Variants in PRKAG2 observed in about 807,000 individuals in gnomAD.
PRKAG2 encodes the protein protein kinase AMP-activated non-catalytic subunit gamma 2, also known as 5'-AMP-activated protein kinase subunit gamma-2.
PRKAG2 carries 26 observed loss-of-function variants against 69.6 expected under a neutral mutation model. The observed-to-expected ratio is 0.37, with a 90% confidence interval of 0.27 to 0.52. The LOEUF is 0.52. Among genes scored for constraint, PRKAG2 ranks in the 20% least tolerant of loss-of-function variants. The pLI, the probability that PRKAG2 is intolerant of heterozygous loss-of-function variation, is 0.90. For missense variants in PRKAG2, 557 were observed against 740.0 expected, an observed-to-expected ratio of 0.75 and a Z score of 2.87; for synonymous variants, 293 against 285.0, an observed-to-expected ratio of 1.03 and a Z score of -0.28.
rs2079685447 is a variant in PRKAG2, at chr7:151,855,061, AT to A, written c.114+21445del. 1.1e-3 allele frequency among the ~76,000 whole-genome samples: 40 copies of A among 37,246 alleles called. 1 individual carries two copies. The highest frequency in any genetic ancestry group is 5.8e-3 in the East Asian group (5 of 862). 24.4% of individuals were successfully genotyped at this position (37,246 alleles called of 152,430 possible). A position where few individuals can be genotyped will look rare whatever the true frequency, so the allele number is the denominator to read the frequency against. On this transcript the variant is annotated intron_variant, in intron 1 of 15. Transcript: ENST00000287878. ...ACACACACCGCCCTCCACACACACC[AT>A]CCTCCACACACACCATCCTCCACAC...
At chr7:151,746,876 AG>A (rs2074317112) in intron 3 of PRKAG2, among the ~76,000 whole-genome samples, 2 of 152,254 alleles carry the variant, frequency 1.3e-5, no homozygotes, top group African/African-American at 4.8e-5. Context: ...AGAAATCAGA[AG>A]GAATTGGACA....
chr7:151,735,709 G>C (rs1412026151), intron 3 of PRKAG2, among the ~76,000 whole-genome samples: 1 of 152,178 alleles, frequency 6.6e-6, no homozygotes, highest in African/African-American at 2.4e-5. Context: ...TTGTCAGGCG[G>C]CTCCCCACAG....
chr7:151,735,212 A>T (rs1018835761), intron 3 of PRKAG2, among the ~76,000 whole-genome samples: 10 of 152,096 alleles, frequency 6.6e-5, no homozygotes, highest in Admixed American at 6.6e-4. Flanking sequence ...GGTCTTAACC[A>T]GGTGTGGAGC....
In PRKAG2 at chr7:151,875,562, G is replaced by GGTGTGTGTGTGTGTGT. The variant is rs55660204; in HGVS notation, c.114+929_114+944dup. 2.6e-3 allele frequency among the ~76,000 whole-genome samples: 348 copies of GGTGTGTGTGTGTGTGT among 131,358 alleles called. 2 individuals carry two copies. The highest frequency in any genetic ancestry group is 0.012 in the East Asian group (44 of 3,798). 86.2% of individuals were successfully genotyped at this position (131,358 alleles called of 152,430 possible). On this transcript the variant is annotated intron_variant, in intron 1 of 15. Coordinates refer to ENST00000287878, the MANE Select transcript of PRKAG2 (RefSeq NM_016203.4). ...AATAACTTTCTCTACGGAGCACTCT[G>GGTGTGTGTGTGTGTGT]GTGTGTGTGTGTGTGTGTGTGTGTG...
intron 3 of PRKAG2, chr7:151,736,194 C>A (rs973882482): frequency 7.1e-7 from 1 of 1,415,452 alleles, no homozygotes. Flanking sequence ...GCGACCTCAC[C>A]GCAGCCCCAG....
In PRKAG2 at chr7:151,632,211, G is replaced by A; in HGVS notation, c.685-73C>T. The A allele has an allele frequency of 1.7e-6, 2 of 1,146,336 alleles. No homozygotes were observed. The highest frequency in any genetic ancestry group is 4.4e-5 in the East Asian group (1 of 22,932). The allele number at this position is 1,146,336 out of a possible 1,614,324, so 71.0% of individuals were successfully genotyped here. A position where few individuals can be genotyped will look rare whatever the true frequency, so the allele number is the denominator to read the frequency against. On this transcript the variant is annotated intron_variant, in intron 4 of 15. Transcript: ENST00000287878. This position sits in a 1 kb window ranked among gnomAD's most constrained non-coding sequence, Gnocchi z 4.2. ...TCCCCGGCCGGCGGGCTCGCGGCCG[G>A]CCGAGCGCTGGGGCCTGGCTCTGCC...
At chr7:151,750,327 T>G (rs2074582039) in intron 3 of PRKAG2, among the ~76,000 whole-genome samples, 1 of 152,138 alleles carries the variant, frequency 6.6e-6, no homozygotes, top group Non-Finnish European at 1.5e-5. Flanking sequence ...GGCAGCTCTA[T>G]TCACAAAAGG....
chr7:151,712,748 G>A (rs1795530233), intron 3 of PRKAG2, among the ~76,000 whole-genome samples: 1 of 152,246 alleles, frequency 6.6e-6, no homozygotes, highest in Non-Finnish European at 1.5e-5. Context: ...TGTGCTGAGG[G>A]AGGGTGTGGA....
chr7:151,566,532 TTGAGTA>T, intron 11 of PRKAG2: 1 of 433,026 alleles, frequency 2.3e-6, no homozygotes, highest in South Asian at 1.6e-5. Flanking sequence ...AGGATCATGT[TTGAGTA>T]TAACAAAATA....
intron 5 of PRKAG2, among the ~76,000 whole-genome samples, chr7:151,625,314 C>A (rs1387955545): frequency 1.3e-5 from 2 of 151,982 alleles, no homozygotes. Flanking sequence ...GTCTGGCAGG[C>A]CTGGAGGAGC....
At chr7:151,589,230 C>G (rs535727652) in intron 6 of PRKAG2, among the ~76,000 whole-genome samples, 1 of 152,206 alleles carries the variant, frequency 6.6e-6, no homozygotes, top group Admixed American at 6.5e-5. Flanking sequence ...CGGCTGAATA[C>G]AGTTTGTTGT....
intron 3 of PRKAG2, among the ~76,000 whole-genome samples, chr7:151,776,684 CCA>C (rs1231003643): frequency 2.0e-5 from 3 of 152,246 alleles, no homozygotes; most frequent in African/African-American, 4.8e-5. Context: ...AGCTCACAGA[CCA>C]CACTCAGGCC....
chr7:151,605,450 T>TTAATTTAATTTTTTTAAATTAA (rs1817279870), intron 5 of PRKAG2, among the ~76,000 whole-genome samples: 1 of 152,086 alleles, frequency 6.6e-6, no homozygotes, highest in Non-Finnish European at 1.5e-5. Flanking sequence ...AATTAAATTT[T>TTAATTTAATTTTTTTAAATTAA]ATGGCTGGGT....
At chr7:151,730,231 T>C (rs1798713838) in intron 3 of PRKAG2, among the ~76,000 whole-genome samples, 1 of 152,346 alleles carries the variant, frequency 6.6e-6, no homozygotes. Context: ...GGTGCATGCA[T>C]CTCTCACTCA....
In PRKAG2 at chr7:151,706,790, G is replaced by A. The variant is rs10248893; in HGVS notation, c.467-31153C>T. ...ACAGCCTGAGTCTAGAATACGTTCC[G>A]GCAATGGCTTCTGCTTCTCCAACCT... On this transcript the variant is annotated intron_variant, in intron 3 of 15. Coordinates refer to ENST00000287878, the MANE Select transcript of PRKAG2 (RefSeq NM_016203.4). Among the ~76,000 whole-genome samples, 511 of 152,316 alleles carry A rather than the reference G, an allele frequency of 3.4e-3. 5 individuals are homozygous for A. The highest frequency in any genetic ancestry group is 0.012 in the African/African-American group (482 of 41,560).
chr7:151,720,082 A>G (rs1796806289), intron 3 of PRKAG2, among the ~76,000 whole-genome samples: 2 of 152,162 alleles, frequency 1.3e-5, no homozygotes, highest in South Asian at 4.2e-4. Flanking sequence ...GAGCCCTTCC[A>G]AGATGGTCCA....
At position 151,595,389 on chromosome 7, in the gene PRKAG2, C is replaced by T. The variant is rs917493455; in HGVS notation, c.820G>A (p.Val274Ile). The stretch of plus-strand genomic sequence containing the variant: ...ACAACAAGCTTTGAACTGGTTGGAA[C>T]GATGTCATAACACTTGTGTGACCTC... ...FMRSHKCYDI[V>I]PTSSKLVVFD... The change falls in exon 6 of 16, where the codon GTT becomes ATT. Residue 274 changes from valine (V) to isoleucine (I), a missense_variant. This residue lies in a region of PRKAG2 where 205 missense variants were observed against 383.4 expected (regional missense o/e 0.53). Coordinates refer to ENST00000287878, the MANE Select transcript of PRKAG2 (RefSeq NM_016203.4). 3.7e-6 allele frequency: 6 copies of T among 1,613,852 alleles called. No homozygotes were observed. The highest frequency in any genetic ancestry group is 2.2e-5 in the South Asian group (2 of 91,088).
chr7:151,854,744 G>A (rs2079661240), intron 1 of PRKAG2, among the ~76,000 whole-genome samples: 1 of 152,180 alleles, frequency 6.6e-6, no homozygotes, highest in African/African-American at 2.4e-5. Context: ...CTGGTCCTTA[G>A]GGCGCGCCTC....
chr7:151,865,847 G>A (rs1023104145), intron 1 of PRKAG2, among the ~76,000 whole-genome samples: 76 of 152,050 alleles, frequency 5.0e-4, no homozygotes, highest in African/African-American at 1.7e-3. Context: ...GTGAAACCCC[G>A]TCTCTATTAA....
Sources: gnomAD v4.1 joint callset for allele counts (sites outside exome capture counted in the v4.1 genomes callset) on GRCh38, gnomAD v4.1.1 for gene constraint, gnomAD v4.1.1 regional missense constraint, Gnocchi (gnomAD v3.1) non-coding constraint, MANE v1.5 for transcripts, NCBI Gene and HGNC (gene_info 2026-07-23, HGNC 2026-07-21) for gene names.